The following EPHA5 variants were observed in gnomAD, a reference collection of about 807,000 sequenced individuals.
The protein encoded by EPHA5 is ephrin type-A receptor 5.
In EPHA5, 60 loss-of-function variants were observed where a neutral mutation model predicts 105.0. The observed-to-expected ratio is 0.57, with a 90% CI of 0.46 to 0.71. The LOEUF (loss-of-function observed/expected upper bound fraction) is 0.71, where lower values mean the gene tolerates loss of function less well. EPHA5 is among the 30% of genes least tolerant of loss of function. The probability of loss-of-function intolerance (pLI) is 0.00; values close to 1 mark genes in which losing one functional copy is unlikely to be tolerated. For missense variants in EPHA5, 1,218 were observed against 1,274.7 expected (o/e 0.96, Z 0.68); for synonymous variants, 513 against 449.1 (o/e 1.14, Z -1.80).
Position 65,505,041 on chromosome 4 carries a change from T to C in EPHA5, c.911-9498A>G, listed in dbSNP as rs529204944. On this transcript the variant is annotated intron_variant, in intron 3 of 16. Transcript: ENST00000613740. ...GTGTATAAGGGTATATATAAAAATG[T>C]AAGCTTGTCTATGTGCAAAACATTT... 2.6e-5 allele frequency among the ~76,000 whole-genome samples: 4 copies of C among 152,156 alleles called. No individual in the cohort carries two copies. The East Asian group carries it at 7.7e-4, about 29-fold the overall frequency.
chr4:65,335,835 T>C, intron 15 of EPHA5, 97 bp downstream of exon 15: 1 of 1,258,088 alleles, frequency 7.9e-7, no homozygotes, highest in Non-Finnish European at 1.1e-6. Flanking sequence ...GATTCACAGA[T>C]TAATGTCTAT....
chr4:65,500,041 T>A (rs1201464288), intron 3 of EPHA5, among the ~76,000 whole-genome samples: 3 of 151,226 alleles, frequency 2.0e-5, no homozygotes, highest in African/African-American at 4.8e-5. Flanking sequence ...TAATAAATAA[T>A]AATAATGAAC....
At chr4:65,448,838 A>C (rs1578140635) in intron 5 of EPHA5, among the ~76,000 whole-genome samples, 1 of 152,338 alleles carries the variant, frequency 6.6e-6, no homozygotes, top group East Asian at 1.9e-4. Flanking sequence ...GAAGCAAATT[A>C]TTCATACTGA....
chr4:65,389,697 T>C (rs918708606), intron 8 of EPHA5, among the ~76,000 whole-genome samples: 6 of 152,018 alleles, frequency 3.9e-5, no homozygotes, highest in Non-Finnish European at 7.4e-5. Context: ...GGCATAGCAA[T>C]ATCAGAGAAG....
In EPHA5 at chr4:65,398,629, C is replaced by T. The variant is rs184802024; in HGVS notation, c.1793+5745G>A. 5.0e-3 allele frequency among the ~76,000 whole-genome samples: 757 copies of T among 152,272 alleles called. 11 individuals carry two copies. Among genetic ancestry groups the T allele is most frequent in the African/African-American group, 0.018 (738 of 41,566 alleles). On this transcript the variant is annotated intron_variant, in intron 8 of 16. Transcript: ENST00000613740. ...AGTCCACTCAACACACACTTTCTTCCTTTGGAAGCCCATAAAAACCCTGGA... is the reference window on the plus strand; with the variant it reads ...AGTCCACTCAACACACACTTTCTTCTTTTGGAAGCCCATAAAAACCCTGGA...
chr4:65,533,941 A>T (rs914796923), intron 3 of EPHA5, among the ~76,000 whole-genome samples: 4 of 130,362 alleles, frequency 3.1e-5, no homozygotes, highest in African/African-American at 1.1e-4. Flanking sequence ...TCAAAAAAAA[A>T]TAAATAAATA....
chr4:65,530,190 T>C (rs533692077), intron 3 of EPHA5, among the ~76,000 whole-genome samples: 8 of 152,190 alleles, frequency 5.3e-5, no homozygotes, highest in African/African-American at 1.9e-4. Context: ...AGAAAAAATA[T>C]ATGGAACTAC....
At chr4:65,497,843 A>T (rs1376014566) in intron 3 of EPHA5, among the ~76,000 whole-genome samples, 1 of 152,022 alleles carries the variant, frequency 6.6e-6, no homozygotes, top group Non-Finnish European at 1.5e-5. Flanking sequence ...CAGTTCAATA[A>T]GATGTTTTCA....
chr4:65,479,285 C>T (rs60996470), intron 5 of EPHA5, among the ~76,000 whole-genome samples: 9,370 of 152,048 alleles, frequency 0.062, 972 homozygotes, highest in African/African-American at 0.21. Flanking sequence ...GTGATATTTA[C>T]GTAATTTACT....
In EPHA5 at chr4:65,427,351, T is replaced by TTTTTGTAA. The variant is rs1369796063; in HGVS notation, c.1403-6787_1403-6786insTTACAAAA. On this transcript the variant is annotated intron_variant, in intron 5 of 16. Coordinates refer to ENST00000613740, the MANE Select transcript of EPHA5 (RefSeq NM_001281766.3). Reference sequence around the variant, plus strand: ...GGCGCCTGCCACTGCACCCGGCTAATTTTTGTATTTTTAGTAGAGACAGGG... The same window carrying TTTTTGTAA: ...GGCGCCTGCCACTGCACCCGGCTAATTTTTGTAATTTTGTATTTTTAGTAGAGACAGGG... 2.0e-5 allele frequency among the ~76,000 whole-genome samples: 3 copies of TTTTTGTAA among 151,774 alleles called. No individual in the cohort carries two copies. In the East Asian group the frequency reaches 5.8e-4, roughly 29 times the overall value.
At chr4:65,542,094 A>T (rs1736897062) in intron 3 of EPHA5, among the ~76,000 whole-genome samples, 1 of 151,922 alleles carries the variant, frequency 6.6e-6, no homozygotes, top group Admixed American at 6.6e-5. Context: ...CAGTGTTAAG[A>T]GGGAAATTTA....
intron 7 of EPHA5, among the ~76,000 whole-genome samples, chr4:65,407,900 C>A (rs1722520054): frequency 6.6e-6 from 1 of 151,528 alleles, no homozygotes; most frequent in Non-Finnish European, 1.5e-5. Context: ...GGACTACAGG[C>A]CTGCACCACC....
chr4:65,324,870 GA>G (rs1324772370), intron 16 of EPHA5, among the ~76,000 whole-genome samples: 2 of 147,096 alleles, frequency 1.4e-5, no homozygotes, highest in Non-Finnish European at 1.5e-5. Context: ...TTTCAATCAA[GA>G]TACTTCTGTG....
intron 7 of EPHA5, among the ~76,000 whole-genome samples, chr4:65,409,125 G>A (rs1216872847): frequency 2.2e-5 from 3 of 134,720 alleles, no homozygotes; most frequent in Non-Finnish European, 4.7e-5. Flanking sequence ...TCACTCATAG[G>A]TGGGAATTGA....
rs997507043 is a variant in EPHA5, at chr4:65,349,385, T to C, written c.2446-1182A>G. Among the ~76,000 whole-genome samples, 13 of 152,112 alleles carry C rather than the reference T, an allele frequency of 8.5e-5. 1 individual carries two copies. The highest frequency in any genetic ancestry group is 2.9e-4 in the African/African-American group (12 of 41,434). ...GTTCATACAATAAACACTTTTATAATATGCCTCTTTCAGGGTGAAATTATT... is the reference window on the plus strand; with the variant it reads ...GTTCATACAATAAACACTTTTATAACATGCCTCTTTCAGGGTGAAATTATT... On this transcript the variant is annotated intron_variant, in intron 13 of 16. Coordinates refer to ENST00000613740, the MANE Select transcript of EPHA5 (RefSeq NM_001281766.3).
chr4:65,539,846 A>G (rs1198392728), intron 3 of EPHA5, among the ~76,000 whole-genome samples: 2 of 151,600 alleles, frequency 1.3e-5, no homozygotes, highest in Admixed American at 6.6e-5. Flanking sequence ...AAACTATACA[A>G]TAAGCTAAAT....
intron 2 of EPHA5, among the ~76,000 whole-genome samples, chr4:65,603,329 T>A (rs1743922386): frequency 2.5e-5 from 1 of 40,258 alleles, no homozygotes; most frequent in African/African-American, 9.0e-5. Context: ...TTTAAGGAAT[T>A]TCTGAAGCCT....
chr4:65,576,095 AAAG>A (rs1369780860), intron 3 of EPHA5, among the ~76,000 whole-genome samples: 4,295 of 105,400 alleles, frequency 0.041, 280 homozygotes, highest in East Asian at 0.085. Context: ...AAAGAAAAGA[AAAG>A]AAAAGAAAAG....
At chr4:65,390,081 C>G (rs1218546770) in intron 8 of EPHA5, among the ~76,000 whole-genome samples, 1 of 151,988 alleles carries the variant, frequency 6.6e-6, no homozygotes, top group South Asian at 2.1e-4. Context: ...TTTTCTCTGT[C>G]TGTATATTAT....
Sources: allele counts gnomAD v4.1 joint callset (sites outside exome capture counted in the v4.1 genomes callset), GRCh38; gene constraint gnomAD v4.1.1; transcripts MANE v1.5; gene names NCBI Gene and HGNC (gene_info 2026-07-23, HGNC 2026-07-21).